FOXP2: variants seen among roughly 807,000 people sequenced by gnomAD.
FOXP2 encodes forkhead box protein P2.
A neutral mutation model predicts 115.8 loss-of-function variants in FOXP2; 12 were observed. That is an observed-to-expected ratio of 0.10 (90% CI 0.07 to 0.17). The LOEUF is 0.17. Among genes scored for constraint, FOXP2 ranks in the 10% least tolerant of loss-of-function variants. The pLI, the probability that FOXP2 is intolerant of heterozygous loss-of-function variation, is 1.00. For missense variants in FOXP2, 629 were observed against 843.5 expected, an observed-to-expected ratio of 0.75 and a Z score of 3.15; for synonymous variants, 328 against 297.7, an observed-to-expected ratio of 1.10 and a Z score of -1.05.
chr7:114,354,630 T>C (rs966410045), intron 2 of FOXP2, among the ~76,000 whole-genome samples: 2 of 152,086 alleles, frequency 1.3e-5, no homozygotes, highest in South Asian at 4.1e-4. Flanking sequence ...CCTGAAAATG[T>C]CATCTCAATT....
intron 1 of FOXP2, among the ~76,000 whole-genome samples, chr7:114,189,189 ATT>A (rs1424310216): frequency 1.3e-5 from 2 of 152,168 alleles, no homozygotes; most frequent in African/African-American, 2.4e-5. Context: ...GGATTGACTC[ATT>A]TCATTACCAT....
chr7:114,191,575 T>C (rs1793762185), intron 1 of FOXP2, among the ~76,000 whole-genome samples: 1 of 152,210 alleles, frequency 6.6e-6, no homozygotes, highest in African/African-American at 2.4e-5. Context: ...TATGAACATA[T>C]AACCTGATTT....
intron 2 of FOXP2, among the ~76,000 whole-genome samples, chr7:114,356,087 C>T (rs1773916164): frequency 6.6e-6 from 1 of 152,108 alleles, no homozygotes; most frequent in Non-Finnish European, 1.5e-5. Context: ...TTGAATTCCA[C>T]AGGACTAAAT....
chr7:114,338,287 G>A (rs1247069080), intron 2 of FOXP2, among the ~76,000 whole-genome samples: 1 of 150,706 alleles, frequency 6.6e-6, no homozygotes, highest in African/African-American at 2.4e-5. Context: ...AAATTCTTAA[G>A]GCAAATGACT....
At chr7:114,226,197 A>G (rs896247592) in intron 1 of FOXP2, among the ~76,000 whole-genome samples, 1 of 152,218 alleles carries the variant, frequency 6.6e-6, no homozygotes, top group Admixed American at 6.5e-5. Context: ...TATGTTATTG[A>G]ACCAATCTTA....
chr7:114,280,307 A>T (rs1796299701), intron 1 of FOXP2, among the ~76,000 whole-genome samples: 2 of 151,948 alleles, frequency 1.3e-5, no homozygotes, highest in Non-Finnish European at 2.9e-5. Flanking sequence ...TTCATCCTTT[A>T]ATTTTATTGT....
At chr7:114,650,430 A>G (rs1806184319) in intron 8 of FOXP2, among the ~76,000 whole-genome samples, 1 of 41,194 alleles carries the variant, frequency 2.4e-5, no homozygotes, top group African/African-American at 7.5e-5. Flanking sequence ...TTCATGGTGA[A>G]AAAAAAAAAA....
intron 2 of FOXP2, among the ~76,000 whole-genome samples, chr7:114,399,360 G>A (rs746316357): frequency 1.3e-5 from 2 of 151,904 alleles, no homozygotes; most frequent in African/African-American, 2.4e-5. Context: ...CACCCACCTC[G>A]GCCTCTCAAA....
chr7:114,372,077 A>G (rs1792022016), intron 2 of FOXP2, among the ~76,000 whole-genome samples: 1 of 152,180 alleles, frequency 6.6e-6, no homozygotes, highest in Non-Finnish European at 1.5e-5. Context: ...TCACCAATTT[A>G]GATGAACTAT....
intron 2 of FOXP2, among the ~76,000 whole-genome samples, chr7:114,450,050 T>C (rs1191668846): frequency 6.6e-6 from 1 of 152,054 alleles, no homozygotes. Flanking sequence ...TTCCAGATTC[T>C]AGATTTTTAG....
intron 3 of FOXP2, among the ~76,000 whole-genome samples, chr7:114,614,143 T>C (rs1484291956): frequency 6.6e-6 from 1 of 152,242 alleles, no homozygotes; most frequent in Non-Finnish European, 1.5e-5. Flanking sequence ...TGATAGATAC[T>C]ACCCAAATAC....
intron 8 of FOXP2, chr7:114,645,134 AT>A (rs1805811150): frequency 7.6e-5 from 1 of 13,236 alleles, no homozygotes; most frequent in Non-Finnish European, 1.3e-4. Context: ...ATCCTAATAT[AT>A]ATATATATAT....
chr7:114,309,104 G>C (rs1405958053), intron 2 of FOXP2, among the ~76,000 whole-genome samples: 1 of 152,176 alleles, frequency 6.6e-6, no homozygotes, highest in Non-Finnish European at 1.5e-5. Context: ...ATTTGCAGCA[G>C]AGAGCAGGTT....
chr7:114,255,325 CA>C (rs1795580250), intron 1 of FOXP2, among the ~76,000 whole-genome samples: 1 of 152,192 alleles, frequency 6.6e-6, no homozygotes, highest in Non-Finnish European at 1.5e-5. Flanking sequence ...AGCTGTCAGA[CA>C]GGGACATTTA....
At position 114,570,955 on chromosome 7, in the gene FOXP2, A is replaced by G. The variant is rs141491371; in HGVS notation, c.258+36249A>G. ...TGGACCCAGTCCCACTAAATAGATTATATGTGATTTTCTATAGCCAATCCC... is the reference window on the plus strand; with the variant it reads ...TGGACCCAGTCCCACTAAATAGATTGTATGTGATTTTCTATAGCCAATCCC... On this transcript the variant is annotated intron_variant, in intron 3 of 16. Transcript: ENST00000350908. 3.3e-4 allele frequency: 429 copies of G among 1,290,828 alleles called. 2 individuals are homozygous for G. The African/African-American group carries it at 5.4e-3, about 16-fold the overall frequency. 80.0% of individuals were successfully genotyped at this position (1,290,828 alleles called of 1,614,324 possible). A position where few individuals can be genotyped will look rare whatever the true frequency, so the allele number is the denominator to read the frequency against.
At chr7:114,179,172 T>C (rs141057219) in intron 1 of FOXP2, among the ~76,000 whole-genome samples, 2 of 151,958 alleles carry the variant, frequency 1.3e-5, no homozygotes, top group Non-Finnish European at 2.9e-5. Flanking sequence ...TGTCTTTTAT[T>C]AATATTTTTC....
At chr7:114,337,654 G>C (rs547955662) in intron 2 of FOXP2, among the ~76,000 whole-genome samples, 1 of 151,108 alleles carries the variant, frequency 6.6e-6, no homozygotes, top group African/African-American at 2.4e-5. Context: ...GGAGTTCTCA[G>C]CAGTTCCTGA....
intron 3 of FOXP2, among the ~76,000 whole-genome samples, chr7:114,538,823 T>C (rs1799517769): frequency 6.6e-6 from 1 of 151,838 alleles, no homozygotes. Flanking sequence ...AAAACATTTG[T>C]TTATTAACAT....
chr7:114,238,928 T>C (rs1388736031), intron 1 of FOXP2, among the ~76,000 whole-genome samples: 1 of 148,994 alleles, frequency 6.7e-6, no homozygotes, highest in Non-Finnish European at 1.5e-5. Flanking sequence ...TATTATATAT[T>C]ATATATAATA....
Sources: gnomAD v4.1 joint callset for allele counts (sites outside exome capture counted in the v4.1 genomes callset) on GRCh38, gnomAD v4.1.1 for gene constraint, MANE v1.5 for transcripts, NCBI Gene and HGNC (gene_info 2026-07-23, HGNC 2026-07-21) for gene names.